The following VWA8 variants were observed in gnomAD, a reference collection of about 807,000 sequenced individuals.
The protein encoded by VWA8 is von Willebrand factor A domain-containing protein 8.
VWA8 carries 221 observed loss-of-function variants against 241.5 expected under a neutral mutation model. The observed-to-expected ratio is 0.91, with a 90% confidence interval of 0.82 to 1.02. The LOEUF (loss-of-function observed/expected upper bound fraction) is 1.02. VWA8 is among the 50% of genes least tolerant of loss of function. The pLI, the probability that VWA8 is intolerant of heterozygous loss-of-function variation, is 0.00. For missense variants in VWA8, 2,322 were observed against 2,328.7 expected, an observed-to-expected ratio of 1.00 and a Z score of 0.06; for synonymous variants, 852 against 827.1, an observed-to-expected ratio of 1.03 and a Z score of -0.52.
At chr13:41,886,688 T>C in intron 7 of VWA8, 93 bp downstream of exon 7, 4 of 1,052,926 alleles carry the variant, frequency 3.8e-6, no homozygotes, top group Non-Finnish European at 4.2e-6. Context: ...GAATTCTAGT[T>C]GTTGAATGAC....
At chr13:41,594,124 G>GT (rs56659715) in intron 40 of VWA8, among the ~76,000 whole-genome samples, 50,374 of 143,284 alleles carry the variant, frequency 0.35, 8,831 homozygotes, top group Non-Finnish European at 0.4. Context: ...TGTAATTTTT[G>GT]TTTTTTTTTT....
chr13:41,873,353 T>G (rs911575435), intron 9 of VWA8, among the ~76,000 whole-genome samples: 1 of 151,724 alleles, frequency 6.6e-6, no homozygotes, highest in African/African-American at 2.4e-5. Flanking sequence ...TGAAGGAAAT[T>G]GAGACACAAA....
chr13:41,859,215 A>G (rs1331843479), intron 12 of VWA8, among the ~76,000 whole-genome samples: 2 of 152,212 alleles, frequency 1.3e-5, no homozygotes, highest in African/African-American at 4.8e-5. Flanking sequence ...AGGCAAAAAT[A>G]AGAGGCACAG....
Position 41,701,408 on chromosome 13 carries a change from G to A in VWA8, c.3348C>T (p.Asp1116=), listed in dbSNP as rs758787859. ...IPLDEINIIC[D]IATSHENEQN... The stretch of plus-strand genomic sequence containing the variant: ...CAGACATACCATGTGATGTAGCAAT[G>A]TCACAGATTATATTAATTTCATCCA... Residue 1116 remains aspartate, a synonymous_variant, in exon 28 of 45, where the codon GAC becomes GAT. Transcript: ENST00000379310. 1 of 1,605,206 alleles carries A rather than the reference G, an allele frequency of 6.2e-7. No individual in the cohort carries two copies.
At chr13:41,631,732 C>T (rs967613359) in intron 37 of VWA8, among the ~76,000 whole-genome samples, 3 of 152,128 alleles carry the variant, frequency 2.0e-5, no homozygotes, top group South Asian at 2.1e-4. Context: ...GGATGATTCA[C>T]GGATTAAGAT....
chr13:41,712,976 G>A (rs981362024), intron 26 of VWA8, among the ~76,000 whole-genome samples: 1 of 152,184 alleles, frequency 6.6e-6, no homozygotes, highest in African/African-American at 2.4e-5. Flanking sequence ...ATATGTTTAT[G>A]TTGACACCTA....
Position 41,886,826 on chromosome 13 carries a change from T to TGG in VWA8, c.819_820dup (p.Gln274ProfsTer43), listed in dbSNP as rs759867500. 4 of 1,589,868 alleles carry TGG rather than the reference T, an allele frequency of 2.5e-6. No homozygotes were observed. The highest frequency in any genetic ancestry group is 2.6e-6 in the Non-Finnish European group (3 of 1,170,936). ...TCCAATTGAATATAACAACTTAAGTTGGTCCTAAAGTAATACAGAAACATA... is the reference window on the plus strand; with the variant it reads ...TCCAATTGAATATAACAACTTAAGTTGGGGTCCTAAAGTAATACAGAAACATA... On this transcript the variant is annotated frameshift_variant, in exon 7 of 45. Transcript: ENST00000379310. LOFTEE classifies it high-confidence loss of function.
intron 21 of VWA8, among the ~76,000 whole-genome samples, chr13:41,756,670 T>A (rs924283777): frequency 3.3e-5 from 5 of 151,710 alleles, no homozygotes; most frequent in African/African-American, 4.8e-5. Flanking sequence ...GTGATTCTCA[T>A]AAAAAGTGAC....
chr13:41,849,095 C>T (rs1487196409), intron 12 of VWA8, among the ~76,000 whole-genome samples: 2 of 152,176 alleles, frequency 1.3e-5, no homozygotes, highest in African/African-American at 2.4e-5. Flanking sequence ...ATGGTTCTGC[C>T]AAATGGCTTC....
At chr13:41,744,463 TAA>T (rs1566438467) in intron 21 of VWA8, among the ~76,000 whole-genome samples, 1 of 152,206 alleles carries the variant, frequency 6.6e-6, no homozygotes, top group African/African-American at 2.4e-5. Flanking sequence ...GAACAACCCA[TAA>T]ATAAATAAAT....
chr13:41,786,718 G>A (rs1384656277), intron 18 of VWA8, among the ~76,000 whole-genome samples: 1 of 152,056 alleles, frequency 6.6e-6, no homozygotes, highest in African/African-American at 2.4e-5. Flanking sequence ...TCTCAGTGCA[G>A]CCCTAATGAT....
intron 12 of VWA8, among the ~76,000 whole-genome samples, chr13:41,838,812 C>A (rs910274017): frequency 6.6e-6 from 1 of 152,150 alleles, no homozygotes. Flanking sequence ...CATGTCCCTG[C>A]AAAGGACATG....
chr13:41,833,183 T>G (rs1354865096), intron 13 of VWA8, among the ~76,000 whole-genome samples, 188 bp downstream of exon 13: 2 of 152,184 alleles, frequency 1.3e-5, no homozygotes, highest in Admixed American at 6.5e-5. Context: ...ATGTTCATTA[T>G]TTGGAGTTTT....
chr13:41,951,560 T>C (rs1190267388), intron 1 of VWA8, among the ~76,000 whole-genome samples: 1 of 152,242 alleles, frequency 6.6e-6, no homozygotes, highest in Non-Finnish European at 1.5e-5. Flanking sequence ...CTAAACTGAA[T>C]AATCTCTCCC....
At chr13:41,899,849 C>G (rs1415590018) in intron 4 of VWA8, among the ~76,000 whole-genome samples, 8 of 152,110 alleles carry the variant, frequency 5.3e-5, no homozygotes, top group Non-Finnish European at 7.4e-5. Context: ...CAATAGAGGC[C>G]CAAGCATCTT....
chr13:41,795,468 A>G (rs535219114), intron 17 of VWA8, among the ~76,000 whole-genome samples: 5 of 152,306 alleles, frequency 3.3e-5, no homozygotes, highest in East Asian at 1.9e-4. Context: ...AGGAATATAA[A>G]TCATTCTGTT....
chr13:41,890,762 A>C (rs746460244), intron 5 of VWA8, among the ~76,000 whole-genome samples: 9 of 152,160 alleles, frequency 5.9e-5, no homozygotes, highest in Non-Finnish European at 1.2e-4. Context: ...TTTGAATTTT[A>C]CTCTGAGTGG....
In VWA8 at chr13:41,887,179, A is replaced by G. The variant is rs769897950; in HGVS notation, c.816+18T>C. The G allele has an allele frequency of 3.1e-6, 5 of 1,594,838 alleles. No homozygotes were observed. The South Asian group carries it at 4.6e-5, about 15-fold the overall frequency. The stretch of plus-strand genomic sequence containing the variant: ...AGAAAAACTGTTTAACAAATAAATT[A>G]TCCTTGGTCTTACTTACCTTGAAGG... On this transcript the variant is annotated intron_variant, in intron 6 of 44. Coordinates refer to ENST00000379310, the MANE Select transcript of VWA8 (RefSeq NM_015058.2).
At chr13:41,797,984 T>G (rs559821554) in intron 17 of VWA8, among the ~76,000 whole-genome samples, 2 of 152,308 alleles carry the variant, frequency 1.3e-5, no homozygotes, top group African/African-American at 4.8e-5. Context: ...AGGTATAACA[T>G]TCCTATTTGC....
Sources: allele counts gnomAD v4.1 joint callset (sites outside exome capture counted in the v4.1 genomes callset), GRCh38; gene constraint gnomAD v4.1.1; transcripts MANE v1.5; gene names NCBI Gene and HGNC (gene_info 2026-07-23, HGNC 2026-07-21).